The following KRABD3 variants were observed in gnomAD, a reference collection of about 807,000 sequenced individuals.
KRABD3 encodes KRAB domain-containing protein 3.
At chr7:149,721,179 C>T in the KRABD3 span, among the ~76,000 whole-genome samples, 1 of 152,232 alleles carries the variant, frequency 6.6e-6, no homozygotes, top group Non-Finnish European at 1.5e-5. Flanking sequence ...GAGGGCAGCT[C>T]TGACTTTCGC....
At chr7:149,719,803 C>A in the KRABD3 span, 1 of 1,257,720 alleles carries the variant, frequency 8.0e-7, no homozygotes, top group Non-Finnish European at 1.1e-6. The surrounding 1 kb of genome is among the most constrained non-coding windows in gnomAD (Gnocchi z 5.6). Context: ...CACGCTGCTG[C>A]TATTCTATGT....
At chr7:149,728,477 G>T in the KRABD3 span, 1 of 1,600,560 alleles carries the variant, frequency 6.2e-7, no homozygotes, top group South Asian at 1.1e-5. Context: ...AGTTTGCAGA[G>T]ATTGAGCTAC....
chr7:149,723,021 C>T, the KRABD3 span: 1 of 1,267,122 alleles, frequency 7.9e-7, no homozygotes, highest in Non-Finnish European at 1.1e-6. Flanking sequence ...GCGATTCCTC[C>T]TGCTCCAAAC....
the KRABD3 span, chr7:149,723,970 AC>A: frequency 0.064 from 94,062 of 1,468,506 alleles, 3,217 homozygotes; most frequent in Middle Eastern, 0.1. Flanking sequence ...GGTGGCCCCC[AC>A]CACAAACACT....
the KRABD3 span, chr7:149,730,347 C>G: frequency 5.2e-6 from 8 of 1,543,970 alleles, no homozygotes; most frequent in African/African-American, 9.6e-5. Context: ...CCAGGGTGAG[C>G]CTGTGCGGAG....
the KRABD3 span, among the ~76,000 whole-genome samples, chr7:149,717,889 A>C: frequency 1.4e-4 from 21 of 152,112 alleles, no homozygotes. Flanking sequence ...CACACTGCAA[A>C]TTCTGCCTTC....
chr7:149,722,101 G>T, the KRABD3 span: 1 of 434,808 alleles, frequency 2.3e-6, no homozygotes, highest in African/African-American at 2.0e-5. Flanking sequence ...CTTGCTCTGG[G>T]GTTCTGTGTG....
the KRABD3 span, chr7:149,719,875 C>T: frequency 8.0e-7 from 1 of 1,257,492 alleles, no homozygotes; most frequent in East Asian, 2.6e-5. This position sits in a 1 kb window ranked among gnomAD's most constrained non-coding sequence, Gnocchi z 5.6. Flanking sequence ...AGGTTCCGAC[C>T]ACTCTGCGGT....
At chr7:149,716,403 A>C in the KRABD3 span, among the ~76,000 whole-genome samples, 2 of 152,224 alleles carry the variant, frequency 1.3e-5, no homozygotes, top group Non-Finnish European at 2.9e-5. Context: ...GGGCCCGAGG[A>C]GGAAGGCCGG....
chr7:149,718,245 A>T, the KRABD3 span, among the ~76,000 whole-genome samples: 4 of 152,156 alleles, frequency 2.6e-5, no homozygotes, highest in African/African-American at 9.6e-5. Flanking sequence ...TGTCTTTTTT[A>T]ATTAATTAAT....
the KRABD3 span, chr7:149,722,843 TGCCTGG>T: frequency 6.2e-7 from 1 of 1,613,316 alleles, no homozygotes; most frequent in Non-Finnish European, 8.5e-7. Context: ...GAAATCCTTG[TGCCTGG>T]GCCCCGGCAC....
chr7:149,724,182 A>C, the KRABD3 span, among the ~76,000 whole-genome samples: 9 of 152,298 alleles, frequency 5.9e-5, no homozygotes, highest in South Asian at 1.9e-3. Flanking sequence ...CTAGCCCAGC[A>C]CACACGCAGC....
the KRABD3 span, among the ~76,000 whole-genome samples, chr7:149,716,650 T>C: frequency 6.6e-6 from 1 of 152,158 alleles, no homozygotes; most frequent in African/African-American, 2.4e-5. Flanking sequence ...GCTGAGATGG[T>C]GAGAGGCCTG....
At chr7:149,729,265 G>A in the KRABD3 span, 1 of 1,604,612 alleles carries the variant, frequency 6.2e-7, no homozygotes, top group African/African-American at 1.3e-5. Context: ...CCTCCATCTG[G>A]TCAGCCCACA....
chr7:149,719,742 G>A, the KRABD3 span: 4 of 1,518,776 alleles, frequency 2.6e-6, no homozygotes, highest in South Asian at 3.7e-5. The surrounding 1 kb of genome is among the most constrained non-coding windows in gnomAD (Gnocchi z 5.6). Flanking sequence ...CGGAGTCCCT[G>A]GACCCGGCAG....
the KRABD3 span, chr7:149,726,202 G>A: frequency 1.1e-5 from 8 of 736,522 alleles, no homozygotes; most frequent in African/African-American, 7.1e-5. Context: ...GAGCAGATGC[G>A]GGACTTATCT....
the KRABD3 span, chr7:149,724,734 G>A: frequency 6.4e-7 from 1 of 1,554,082 alleles, no homozygotes. Context: ...AGAACAGCTG[G>A]GTCCAGAGCC....
chr7:149,724,803 A>G, the KRABD3 span: 1 of 1,600,370 alleles, frequency 6.2e-7, no homozygotes. Context: ...CAGCCACTGG[A>G]GACACCAGAG....
At chr7:149,730,295 A>G in the KRABD3 span, 1 of 1,550,148 alleles carries the variant, frequency 6.5e-7, no homozygotes, top group East Asian at 2.4e-5. Context: ...GCTCTGAAGG[A>G]GAAGACCCGA....
Sources: gnomAD v4.1 joint callset for allele counts (sites outside exome capture counted in the v4.1 genomes callset) on GRCh38, gnomAD v4.1.1 for gene constraint, Gnocchi (gnomAD v3.1) non-coding constraint, MANE v1.5 for transcripts, NCBI Gene and HGNC (gene_info 2026-07-23, HGNC 2026-07-21) for gene names.